Variants in PDE6B observed in about 807,000 individuals in gnomAD.
PDE6B encodes the protein rod cGMP-specific 3',5'-cyclic phosphodiesterase subunit beta.
PDE6B carries 106 observed loss-of-function variants against 109.0 expected under a neutral mutation model. That is an observed-to-expected ratio of 0.97 (90% CI 0.83 to 1.14). The LOEUF (loss-of-function observed/expected upper bound fraction) is 1.14, where lower values mean the gene tolerates loss of function less well. PDE6B is among the 50% of genes most tolerant of loss of function. The pLI is 0.00. For missense variants in PDE6B, 1,193 were observed against 1,155.6 expected (o/e 1.03, Z -0.47); for synonymous variants, 490 against 471.3 (o/e 1.04, Z -0.51).
rs1264661240 is a variant in PDE6B, at chr4:660,454, A to G, written c.1468-13A>G. The G allele has an allele frequency of 3.1e-6, 5 of 1,613,518 alleles. No individual in the cohort carries two copies. The highest frequency in any genetic ancestry group is 2.2e-5 in the East Asian group (1 of 44,876). ...GCAGGCCAACCTCCCTCAGCCCACA[A>G]TCCCTCCCACAGAAGGAGGAGCTGC... On this transcript the variant is annotated splice_polypyrimidine_tract_variant and intron_variant, in intron 11 of 21. Coordinates refer to ENST00000496514, the MANE Select transcript of PDE6B (RefSeq NM_000283.4).
chr4:663,503 C>A lies in PDE6B; in HGVS notation c.1921-267C>A, dbSNP rs563142052. ...CCGAGCCCTGAGCGGCCCCCAAGGACCTGGACACTCAGTGGACCCCTCCCT... is the reference window on the plus strand; with the variant it reads ...CCGAGCCCTGAGCGGCCCCCAAGGAACTGGACACTCAGTGGACCCCTCCCT... On this transcript the variant is annotated intron_variant, in intron 15 of 21. Coordinates refer to ENST00000496514, the MANE Select transcript of PDE6B (RefSeq NM_000283.4). This position sits in a 1 kb window ranked among gnomAD's most constrained non-coding sequence, Gnocchi z 4.0. 6.6e-6 allele frequency among the ~76,000 whole-genome samples: 1 copy of A among 152,328 alleles called. No individual in the cohort carries two copies. The highest frequency in any genetic ancestry group is 2.4e-5 in the African/African-American group (1 of 41,580).
chr4:651,727 G>C (rs528540285), intron 3 of PDE6B: 1 of 149,664 alleles, frequency 6.7e-6, no homozygotes, highest in Non-Finnish European at 1.5e-5. Flanking sequence ...AGCAGGCGCC[G>C]GGGCTATGGG....
chr4:666,963 G>A lies in PDE6B; in HGVS notation c.2352+349G>A, dbSNP rs1737872233. Among the ~76,000 whole-genome samples the A allele has an allele frequency of 6.6e-6, 1 of 152,244 alleles. No homozygotes were observed. The highest frequency in any genetic ancestry group is 6.5e-5 in the Admixed American group (1 of 15,294). ...CACTGTTTTGGGGGCCTTGGCTGCAGCTCTGTGGGTTCATTTGTTCCATGT... is the reference window on the plus strand; with the variant it reads ...CACTGTTTTGGGGGCCTTGGCTGCAACTCTGTGGGTTCATTTGTTCCATGT... On this transcript the variant is annotated intron_variant, in intron 20 of 21. Transcript: ENST00000496514. The surrounding 1 kb of genome is among the most constrained non-coding windows in gnomAD (Gnocchi z 5.6).
chr4:634,691 C>T lies in PDE6B; in HGVS notation c.483C>T (p.Ser161=), dbSNP rs886059526. Residue 161 remains serine (S), a synonymous_variant, in exon 2 of 22, where the codon AGC becomes AGT. Transcript: ENST00000496514. ...VEDVAECPHF[S]SFADELTDYK... ...TCTTGCGGCAGTGCCCTCACTTCAG[C>T]TCATTTGCTGACGAGCTCACTGACT... 6.2e-7 allele frequency: 1 copy of T among 1,613,038 alleles called. No individual in the cohort carries two copies. The highest frequency in any genetic ancestry group is 2.2e-5 in the East Asian group (1 of 44,876).
chr4:627,732 C>G (rs1288592791), intron 1 of PDE6B, among the ~76,000 whole-genome samples: 2 of 151,394 alleles, frequency 1.3e-5, no homozygotes, highest in Non-Finnish European at 2.9e-5. Flanking sequence ...TCCCCGTCTC[C>G]CTTCCTTCCT....
chr4:665,814 C>T lies in PDE6B; in HGVS notation c.2268+485C>T, dbSNP rs1489953161. ...GGAGAGTCAGGATAGGCGCCAGGAA[C>T]AGGAGAGGCAGGGCTGCCCCAGCCC... On this transcript the variant is annotated intron_variant, in intron 19 of 21. Coordinates refer to ENST00000496514, the MANE Select transcript of PDE6B (RefSeq NM_000283.4). The surrounding 1 kb of genome is among the most constrained non-coding windows in gnomAD (Gnocchi z 4.0). 1.3e-5 allele frequency among the ~76,000 whole-genome samples: 2 copies of T among 152,154 alleles called. No homozygotes were observed. The highest frequency in any genetic ancestry group is 1.9e-4 in the East Asian group (1 of 5,184).
intron 3 of PDE6B, among the ~76,000 whole-genome samples, chr4:637,233 T>G (rs573425619): frequency 5.6e-4 from 84 of 150,754 alleles, no homozygotes; most frequent in African/African-American, 1.9e-3. Context: ...TGTTTTTTGT[T>G]TTTTTTTTTA....
rs1257472554 is a variant in PDE6B at position 666,629 on chromosome 4, G to A, written c.2352+15G>A. The A allele has an allele frequency of 1.9e-6, 3 of 1,575,928 alleles. No individual in the cohort carries two copies. Among genetic ancestry groups the A allele is most frequent in the African/African-American group, 2.7e-5 (2 of 74,174 alleles). On this transcript the variant is annotated intron_variant, in intron 20 of 21. Transcript: ENST00000496514. This position sits in a 1 kb window ranked among gnomAD's most constrained non-coding sequence, Gnocchi z 5.6. Reference sequence around the variant, plus strand: ...TCGTGTACAAGGCGAGTGGTTCACGGGTGTTCCGAGCTGACTGGGGCAGGG... The same window carrying A: ...TCGTGTACAAGGCGAGTGGTTCACGAGTGTTCCGAGCTGACTGGGGCAGGG...
intron 1 of PDE6B, among the ~76,000 whole-genome samples, chr4:627,112 G>T (rs1353212587): frequency 6.6e-6 from 1 of 152,068 alleles, no homozygotes; most frequent in Non-Finnish European, 1.5e-5. Flanking sequence ...TTCCCAGGCA[G>T]CTGGGGAGTG....
intron 21 of PDE6B, 59 bp downstream of exon 21, chr4:668,065 A>G: frequency 6.6e-7 from 1 of 1,505,112 alleles, no homozygotes; most frequent in Non-Finnish European, 9.1e-7. Flanking sequence ...GGCAAAATGA[A>G]AAGACAGGGC....
Position 626,301 on chromosome 4 carries a change from A to C in PDE6B, c.468+207A>C, listed in dbSNP as rs1299658864. ...CCTCTCCGACTCGGCTTCTGGCTCA[A>C]GCTGACATCGCATGGCCACTGAGTT... is the stretch of plus-strand genomic sequence containing the variant. On this transcript the variant is annotated intron_variant, in intron 1 of 21. Coordinates refer to ENST00000496514, the MANE Select transcript of PDE6B (RefSeq NM_000283.4). The surrounding 1 kb of genome is among the most constrained non-coding windows in gnomAD (Gnocchi z 4.6). 6.6e-6 allele frequency among the ~76,000 whole-genome samples: 1 copy of C among 152,238 alleles called. No homozygotes were observed. Among genetic ancestry groups the C allele is most frequent in the Non-Finnish European group, 1.5e-5 (1 of 68,036 alleles).
At chr4:656,055 G>A (rs754944496) in intron 7 of PDE6B, 49 bp downstream of exon 7, 6 of 1,226,122 alleles carry the variant, frequency 4.9e-6, no homozygotes, top group Non-Finnish European at 7.2e-6. Flanking sequence ...CTCACTGGGT[G>A]CGGCGATGTG....
intron 8 of PDE6B, 113 bp downstream of exon 8, chr4:656,405 C>G: frequency 1.3e-6 from 1 of 790,984 alleles, no homozygotes; most frequent in South Asian, 1.3e-5. Context: ...TTCAGCCAGG[C>G]ATGGTGGCTC....
Position 633,764 on chromosome 4 carries a change from G to A in PDE6B, c.469-913G>A, listed in dbSNP as rs1447068277. Among the ~76,000 whole-genome samples the A allele has an allele frequency of 6.6e-6, 1 of 152,200 alleles. No individual in the cohort carries two copies. The highest frequency in any genetic ancestry group is 2.4e-5 in the African/African-American group (1 of 41,456). On this transcript the variant is annotated intron_variant, in intron 1 of 21. Coordinates refer to ENST00000496514, the MANE Select transcript of PDE6B (RefSeq NM_000283.4). The surrounding 1 kb of genome is among the most constrained non-coding windows in gnomAD (Gnocchi z 4.5). ...GCCGTCCACCTGGGTCACTGCCCCA[G>A]GGCACCCTGGCCTCATGTAAACAAA...
chr4:669,847 G>A (rs1160929913), intron 21 of PDE6B, among the ~76,000 whole-genome samples, 199 bp from the exon 22 acceptor site: 1 of 152,096 alleles, frequency 6.6e-6, no homozygotes, highest in Non-Finnish European at 1.5e-5. Flanking sequence ...GCCAGGATGA[G>A]CATAATCAGG....
rs1036539963 is a variant in PDE6B at position 665,506 on chromosome 4, G to T, written c.2268+177G>T. On this transcript the variant is annotated intron_variant, in intron 19 of 21. Transcript: ENST00000496514. The surrounding 1 kb of genome is among the most constrained non-coding windows in gnomAD (Gnocchi z 4.0). ...TGTGGGTGGCTCGGACCTGGGTACA[G>T]CTGTGGCTTGGGTGATGCTTATGCA... Among the ~76,000 whole-genome samples the T allele has an allele frequency of 6.6e-6, 1 of 152,166 alleles. No individual in the cohort carries two copies. Among genetic ancestry groups the T allele is most frequent in the Admixed American group, 6.5e-5 (1 of 15,280 alleles).
chr4:636,942 G>A lies in PDE6B; in HGVS notation c.711+973G>A, dbSNP rs1734714550. ...GCCCCAATCCAAGCAGGCCTCTCAC[G>A]GCCAGGGCCGTGGGAACCAGGGACC... On this transcript the variant is annotated intron_variant, in intron 3 of 21. Transcript: ENST00000496514. This position sits in a 1 kb window ranked among gnomAD's most constrained non-coding sequence, Gnocchi z 4.5. Among the ~76,000 whole-genome samples, 1 of 152,232 alleles carries A rather than the reference G, an allele frequency of 6.6e-6. No individual in the cohort carries two copies. Among genetic ancestry groups the A allele is most frequent in the East Asian group, 1.9e-4 (1 of 5,180 alleles).
chr4:663,652 G>A lies in PDE6B; in HGVS notation c.1921-118G>A, dbSNP rs1737402386. On this transcript the variant is annotated intron_variant, in intron 15 of 21. Coordinates refer to ENST00000496514, the MANE Select transcript of PDE6B (RefSeq NM_000283.4). The surrounding 1 kb of genome is among the most constrained non-coding windows in gnomAD (Gnocchi z 4.0). ...AGGCGGATTAGGGGTCCCGCCCACC[G>A]AGGGCCCGAGGGCGGGGGCGTGAGA... 5 of 753,656 alleles carry A rather than the reference G, an allele frequency of 6.6e-6. No individual in the cohort carries two copies. The highest frequency in any genetic ancestry group is 2.9e-5 in the South Asian group (2 of 68,692). 46.7% of individuals were successfully genotyped at this position (753,656 alleles called of 1,614,324 possible). A position where few individuals can be genotyped will look rare whatever the true frequency, so the allele number is the denominator to read the frequency against.
intron 1 of PDE6B, among the ~76,000 whole-genome samples, chr4:630,941 T>C (rs895187142): frequency 5.3e-5 from 8 of 152,166 alleles, no homozygotes; most frequent in Middle Eastern, 3.4e-3. Context: ...GCTGTCGGCA[T>C]AAGGATGGTA....
Sources: gnomAD v4.1 joint callset for allele counts (sites outside exome capture counted in the v4.1 genomes callset) on GRCh38, gnomAD v4.1.1 for gene constraint, Gnocchi (gnomAD v3.1) non-coding constraint, MANE v1.5 for transcripts, NCBI Gene and HGNC (gene_info 2026-07-23, HGNC 2026-07-21) for gene names.